The following UPRT variants were observed in gnomAD, a reference collection of about 807,000 sequenced individuals.
UPRT encodes the protein RP11-311P8.3.
A neutral mutation model predicts 22.6 loss-of-function variants in UPRT; 5 were observed. The ratio of observed to expected loss-of-function variants is 0.22; its 90% confidence interval spans 0.12 to 0.47. UPRT has a LOEUF of 0.47. Among genes scored for constraint, UPRT ranks in the 20% least tolerant of loss-of-function variants. UPRT has a pLI of 0.99. For missense variants in UPRT, 181 were observed against 239.9 expected (o/e 0.75, Z 1.62); for synonymous variants, 77 against 87.7 (o/e 0.88, Z 0.68).
At chrX:75,183,947 C>T (rs866174389) in intron 4 of UPRT, among the ~76,000 whole-genome samples, 75 of 111,894 alleles carry the variant, frequency 6.7e-4, no homozygotes, top group Middle Eastern at 9.2e-3. Context: ...GAGTAGGTTG[C>T]GAAAACTTTC....
intron 4 of UPRT, among the ~76,000 whole-genome samples, chrX:75,215,450 T>C (rs2082390170): frequency 9.0e-6 from 1 of 110,896 alleles, no homozygotes; most frequent in Non-Finnish European, 1.9e-5. Context: ...TTTGAAAAGA[T>C]CAATAAAATT....
intron 4 of UPRT, among the ~76,000 whole-genome samples, chrX:75,178,980 C>G (rs2082259822): frequency 9.0e-6 from 1 of 111,594 alleles, no homozygotes; most frequent in Non-Finnish European, 1.9e-5. Context: ...GGTGCGTTTA[C>G]AATCCCTGAG....
At chrX:75,288,407 G>T (rs1163371036) in intron 1 of UPRT, among the ~76,000 whole-genome samples, 2 of 111,931 alleles carry the variant, frequency 1.8e-5, no homozygotes, top group African/African-American at 6.5e-5. Flanking sequence ...AGCCACTTAT[G>T]ATGAACATAG....
rs184050556 is a variant in UPRT, at chrX:75,281,546, G to C, written c.386+6906G>C. Among the ~76,000 whole-genome samples, 4 of 111,717 alleles carry C rather than the reference G, an allele frequency of 3.6e-5. No individual in the cohort carries two copies. In the East Asian group the frequency reaches 1.1e-3, roughly 32 times the overall value. On this transcript the variant is annotated intron_variant, in intron 1 of 6. Transcript: ENST00000373383. ...TCCTGTGATGTTTGTTTTTAATTCTGTTTATGTGGTGTGTCACATTTATTG... is the reference window on the plus strand; with the variant it reads ...TCCTGTGATGTTTGTTTTTAATTCTCTTTATGTGGTGTGTCACATTTATTG...
intron 4 of UPRT, among the ~76,000 whole-genome samples, chrX:75,257,318 TC>T (rs773159778): frequency 9.0e-6 from 1 of 111,612 alleles, no homozygotes; most frequent in African/African-American, 3.3e-5. Flanking sequence ...AAATCCAGCC[TC>T]CCTTTATGAT....
At chrX:75,248,328 G>T (rs1406932124) in intron 4 of UPRT, among the ~76,000 whole-genome samples, 2 of 111,431 alleles carry the variant, frequency 1.8e-5, no homozygotes, top group Non-Finnish European at 3.8e-5. Context: ...TTAGACGAAT[G>T]GCTAACTAGA....
chrX:75,199,157 C>G (rs1280475778), intron 4 of UPRT, among the ~76,000 whole-genome samples: 1 of 111,839 alleles, frequency 8.9e-6, no homozygotes, highest in East Asian at 2.8e-4. Context: ...GGCTTATAGC[C>G]AGAGGACACG....
rs146168902 is a variant in UPRT at position 75,219,818 on chromosome X, T to C, written c.-447+51939T>C. Among the ~76,000 whole-genome samples, 572 of 111,677 alleles carry C rather than the reference T, an allele frequency of 5.1e-3. 7 individuals carry two copies. The highest frequency in any genetic ancestry group is 0.018 in the African/African-American group (542 of 30,843). On this transcript the variant is annotated intron_variant, in intron 4 of 13. Transcript: ENST00000652605. ...TTCAGCATTGGACAGATCTTCCAGA[T>C]AAAAAAGTCAACAAAAAACACCAGA...
chrX:75,241,616 T>C (rs1328969181), intron 4 of UPRT, among the ~76,000 whole-genome samples: 1 of 111,618 alleles, frequency 9.0e-6, no homozygotes, highest in Non-Finnish European at 1.9e-5. Context: ...AAAAAGACAC[T>C]TACACAGGCA....
chrX:75,255,746 A>C (rs892721312), intron 4 of UPRT, among the ~76,000 whole-genome samples: 1 of 112,258 alleles, frequency 8.9e-6, no homozygotes, highest in Non-Finnish European at 1.9e-5. Flanking sequence ...TGAAAGCAAC[A>C]GCAGTTAATA....
At position 75,297,304 on chromosome X, in the gene UPRT, A is replaced by G. The variant is rs1234303203; in HGVS notation, c.500-187A>G. On this transcript the variant is annotated intron_variant, in intron 3 of 6. Transcript: ENST00000373383. The stretch of plus-strand genomic sequence containing the variant: ...CAATTATCCCCACAGGTTTCTTATG[A>G]AGAATTAAGAAATAACTGAAAAATC... Among the ~76,000 whole-genome samples the G allele has an allele frequency of 5.4e-5, 6 of 112,013 alleles. No homozygotes were observed. The Admixed American group carries it at 5.7e-4, about 11-fold the overall frequency.
At chrX:75,225,727 T>C (rs1470299508) in intron 4 of UPRT, among the ~76,000 whole-genome samples, 1 of 112,086 alleles carries the variant, frequency 8.9e-6, no homozygotes, top group Non-Finnish European at 1.9e-5. Flanking sequence ...TTAGCAGAGC[T>C]ACTCATGGTA....
intron 4 of UPRT, among the ~76,000 whole-genome samples, chrX:75,187,025 T>G (rs1380502671): frequency 9.0e-6 from 1 of 111,595 alleles, no homozygotes; most frequent in Non-Finnish European, 1.9e-5. Context: ...CATTTACATT[T>G]AAGGTTAATA....
chrX:75,226,081 C>G (rs938891378), intron 4 of UPRT, among the ~76,000 whole-genome samples: 1 of 111,385 alleles, frequency 9.0e-6, no homozygotes, highest in Admixed American at 9.6e-5. Flanking sequence ...AAATTTTTAT[C>G]TTCCTGTTGC....
intron 4 of UPRT, among the ~76,000 whole-genome samples, chrX:75,196,769 C>T (rs1284023683): frequency 1.8e-5 from 2 of 111,349 alleles, no homozygotes; most frequent in Non-Finnish European, 3.8e-5. Flanking sequence ...ATCACTTGAA[C>T]TTGGGAGGTG....
chrX:75,251,960 G>A (rs1288659909), intron 4 of UPRT, among the ~76,000 whole-genome samples: 1 of 111,701 alleles, frequency 9.0e-6, no homozygotes, highest in Non-Finnish European at 1.9e-5. Flanking sequence ...AAGCAATGGG[G>A]AAAGGATTCC....
intron 4 of UPRT, among the ~76,000 whole-genome samples, chrX:75,171,564 C>G (rs1318970591): frequency 9.1e-6 from 1 of 110,473 alleles, no homozygotes; most frequent in African/African-American, 3.3e-5. Context: ...CTTCCGCATT[C>G]TTTTTCAGGT....
chrX:75,293,626 A>G (rs761889622), intron 2 of UPRT, 112 bp downstream of exon 2: 111 of 761,148 alleles, frequency 1.5e-4, no homozygotes, highest in Non-Finnish European at 1.9e-4. Flanking sequence ...AGATTGTACT[A>G]AGTAACCATC....
chrX:75,200,726 C>A (rs1297035098), intron 4 of UPRT, among the ~76,000 whole-genome samples: 2 of 110,927 alleles, frequency 1.8e-5, no homozygotes, highest in Non-Finnish European at 3.8e-5. Context: ...CTGAGGCGGG[C>A]GGATTGCCAG....
Sources: allele counts gnomAD v4.1 joint callset (sites outside exome capture counted in the v4.1 genomes callset), GRCh38; gene constraint gnomAD v4.1.1; transcripts MANE v1.5; gene names NCBI Gene and HGNC (gene_info 2026-07-23, HGNC 2026-07-21).